The following CLIP1 variants were observed in gnomAD, a reference collection of about 807,000 sequenced individuals.
The protein encoded by CLIP1 is CAP-Gly domain-containing linker protein 1.
In CLIP1, 66 loss-of-function variants were observed where a neutral mutation model predicts 161.6. The observed-to-expected ratio is 0.41, with a 90% confidence interval of 0.33 to 0.50. The LOEUF (loss-of-function observed/expected upper bound fraction) is 0.50, where lower values mean the gene tolerates loss of function less well. CLIP1 is among the 20% of genes least tolerant of loss of function. The pLI, the probability that CLIP1 is intolerant of heterozygous loss-of-function variation, is 0.27. For missense variants in CLIP1, 1,376 were observed against 1,702.0 expected (o/e 0.81, Z 3.37); for synonymous variants, 598 against 626.2 (o/e 0.96, Z 0.67).
chr12:122,352,211 C>T (rs1455224744), intron 8 of CLIP1, among the ~76,000 whole-genome samples: 2 of 152,032 alleles, frequency 1.3e-5, no homozygotes, highest in African/African-American at 2.4e-5. Flanking sequence ...GCACCCGCCA[C>T]CACGCCCGGC....
chr12:122,363,452 C>T (rs895752284), intron 4 of CLIP1, among the ~76,000 whole-genome samples: 1 of 150,888 alleles, frequency 6.6e-6, no homozygotes, highest in African/African-American at 2.4e-5. Context: ...GCCGAGATGG[C>T]GCCACTGCAC....
At chr12:122,390,889 G>A (rs1376188510) in intron 1 of CLIP1, among the ~76,000 whole-genome samples, 1 of 152,018 alleles carries the variant, frequency 6.6e-6, no homozygotes, top group African/African-American at 2.4e-5. Flanking sequence ...CCTCGAATAT[G>A]AGAAGCAGGG....
intron 25 of CLIP1, 113 bp from the exon 26 acceptor site, chr12:122,273,213 A>C (rs1036880713): frequency 2.1e-5 from 16 of 775,474 alleles, no homozygotes; most frequent in African/African-American, 1.6e-4. Context: ...CAAGTCTGTG[A>C]GCTTCCAGTA....
At chr12:122,419,411 T>C (rs1409361600) in intron 1 of CLIP1, among the ~76,000 whole-genome samples, 3 of 151,914 alleles carry the variant, frequency 2.0e-5, no homozygotes, top group East Asian at 1.9e-4. Context: ...AAACGTTTAC[T>C]GAGTACATGG....
intron 15 of CLIP1, among the ~76,000 whole-genome samples, chr12:122,330,607 T>TTG (rs1951909601): frequency 7.1e-6 from 1 of 141,554 alleles, no homozygotes; most frequent in Admixed American, 6.9e-5. Context: ...GTTTTTTTTT[T>TTG]TTTTTTTTTT....
chr12:122,341,100 C>T lies in CLIP1; in HGVS notation c.2104G>A (p.Val702Ile). Residue 702 changes from valine to isoleucine, a missense_variant, in exon 11 of 26, where the codon GTT (valine) becomes ATT (isoleucine). Val to Ile is a conservative substitution (Grantham distance 29). Coordinates refer to ENST00000620786, the MANE Select transcript of CLIP1 (RefSeq NM_001247997.2). ...MEALRAKLMK[V>I]IKEKENSLEA... is the part of the protein sequence containing the mutation. The stretch of plus-strand genomic sequence containing the variant: ...AGACTGTTTTCCTTTTCTTTAATAA[C>T]TTTCATCAGTTTAGCCCTCAAGGCT... 1 of 1,613,844 alleles carries T rather than the reference C, an allele frequency of 6.2e-7. No homozygotes were observed.
chr12:122,375,683 G>A (rs60985772), intron 3 of CLIP1, among the ~76,000 whole-genome samples: 4 of 151,956 alleles, frequency 2.6e-5, no homozygotes, highest in Non-Finnish European at 5.9e-5. Context: ...TAAGGTAGCA[G>A]AATCTTATAC....
intron 15 of CLIP1, among the ~76,000 whole-genome samples, 176 bp from the exon 16 acceptor site, chr12:122,328,602 G>T (rs890723661): frequency 2.1e-4 from 31 of 150,816 alleles, no homozygotes; most frequent in African/African-American, 7.6e-4. Flanking sequence ...TTTGTTTTGG[G>T]GGGGCGGAGT....
At chr12:122,302,990 CA>C (rs1369717923) in intron 20 of CLIP1, among the ~76,000 whole-genome samples, 1 of 152,190 alleles carries the variant, frequency 6.6e-6, no homozygotes, top group Admixed American at 6.5e-5. Context: ...CTTGGCCTCC[CA>C]AATTGCTGGG....
chr12:122,390,279 C>CATATAT (rs1179187571), intron 1 of CLIP1, among the ~76,000 whole-genome samples: 2,688 of 78,840 alleles, frequency 0.034, 56 homozygotes, highest in Non-Finnish European at 0.052. Flanking sequence ...TATATATATA[C>CATATAT]ATATATATAT....
rs907786860 is a variant in CLIP1, at chr12:122,311,956, T to C, written c.3474-2074A>G. Among the ~76,000 whole-genome samples the C allele has an allele frequency of 6.6e-6, 1 of 152,176 alleles. No homozygotes were observed. Among genetic ancestry groups the C allele is most frequent in the African/African-American group, 2.4e-5 (1 of 41,444 alleles). ...AGATATAGAGCACTTTGTTTTTTCT[T>C]TAGTGGGTAGTGGGTGAATCCATTT... On this transcript the variant is annotated intron_variant, in intron 19 of 25. Coordinates refer to ENST00000620786, the MANE Select transcript of CLIP1 (RefSeq NM_001247997.2). The surrounding 1 kb of genome is among the most constrained non-coding windows in gnomAD (Gnocchi z 4.3).
Position 122,273,094 on chromosome 12 carries a change from A to T in CLIP1, c.4098T>A (p.Asp1366Glu). 6.2e-7 allele frequency: 1 copy of T among 1,613,742 alleles called. No individual in the cohort carries two copies. Among genetic ancestry groups the T allele is most frequent in the Non-Finnish European group, 8.5e-7 (1 of 1,179,686 alleles). Residue 1366 changes from aspartate to glutamate, a missense_variant, in exon 26 of 26, where the codon GAT becomes GAA. Physicochemically the swap from Asp to Glu is conservative, Grantham distance 45. Around this residue, in one of 6 missense-constraint regions of CLIP1, gnomAD observed 948 missense variants for 1,134.8 expected, o/e 0.84. Coordinates refer to ENST00000620786, the MANE Select transcript of CLIP1 (RefSeq NM_001247997.2). ...GDDLNNYDSD[D>E]QEKQSKKKPR... is the part of the protein sequence containing the mutation. ...GTTTCTTCTTGGACTGTTTCTCCTG[A>T]TCATCACTACAAATGTTAATGTGTG...
At chr12:122,356,285 T>A (rs1485189813) in intron 5 of CLIP1, 1 of 152,230 alleles carries the variant, frequency 6.6e-6, no homozygotes. Flanking sequence ...AACTCACCAG[T>A]GCACTGTAGG....
At position 122,316,909 on chromosome 12, in the gene CLIP1, T is replaced by C. The variant is rs1233280036; in HGVS notation, c.3367-54A>G. The stretch of plus-strand genomic sequence containing the variant: ...GAAATTATTTCATTTTCCAGTGACA[T>C]GAATGAACAAATTATTCATGAAAAT... On this transcript the variant is annotated intron_variant, in intron 18 of 25. Transcript: ENST00000620786. 10 of 1,051,382 alleles carry C rather than the reference T, an allele frequency of 9.5e-6. No individual in the cohort carries two copies. The Admixed American group carries it at 1.8e-4, about 19-fold the overall frequency. The allele number at this position is 1,051,382 out of a possible 1,614,324, so 65.1% of individuals were successfully genotyped here. A position where few individuals can be genotyped will look rare whatever the true frequency, so the allele number is the denominator to read the frequency against.
At chr12:122,384,378 A>G (rs147547763) in intron 1 of CLIP1, among the ~76,000 whole-genome samples, 47 of 152,318 alleles carry the variant, frequency 3.1e-4, no homozygotes, top group Middle Eastern at 3.4e-3. Context: ...TCAGCTGTGA[A>G]GGTAGGTGTG....
chr12:122,330,820 C>G (rs1566125812), intron 15 of CLIP1, among the ~76,000 whole-genome samples: 2 of 151,634 alleles, frequency 1.3e-5, no homozygotes, highest in African/African-American at 4.8e-5. Flanking sequence ...CCAGGCTGTT[C>G]TTGAACTCCT....
At chr12:122,370,735 T>C (rs1165599195) in intron 3 of CLIP1, among the ~76,000 whole-genome samples, 1 of 152,082 alleles carries the variant, frequency 6.6e-6, no homozygotes, top group East Asian at 1.9e-4. Context: ...GCACTTTATG[T>C]CTCGGAACTA....
At chr12:122,352,867 AAAC>A in intron 7 of CLIP1, 81 bp from the exon 8 acceptor site, 1 of 1,257,362 alleles carries the variant, frequency 8.0e-7, no homozygotes, top group Non-Finnish European at 1.2e-6. Flanking sequence ...ACAAACAAAA[AAAC>A]ACGTTGGGCA....
At chr12:122,334,729 C>T in intron 12 of CLIP1, 24 bp from the exon 13 acceptor site, 1 of 1,438,796 alleles carries the variant, frequency 7.0e-7, no homozygotes, top group East Asian at 2.4e-5. Context: ...ATGAGAGATT[C>T]TGAACAGAAA....
Sources: gnomAD v4.1 joint callset for allele counts (sites outside exome capture counted in the v4.1 genomes callset) on GRCh38, gnomAD v4.1.1 for gene constraint, gnomAD v4.1.1 regional missense constraint, Gnocchi (gnomAD v3.1) non-coding constraint, MANE v1.5 for transcripts, NCBI Gene and HGNC (gene_info 2026-07-23, HGNC 2026-07-21) for gene names.